SNTB2: variants seen among roughly 807,000 people sequenced by gnomAD.
The protein encoded by SNTB2 is beta-2-syntrophin.
A neutral mutation model predicts 46.2 loss-of-function variants in SNTB2; 34 were observed. The observed-to-expected ratio is 0.74, with a 90% CI of 0.56 to 0.98. SNTB2 has a LOEUF of 0.98. Ranked by LOEUF, SNTB2 falls within the 50% of genes least tolerant of loss-of-function variation. The pLI, the probability that SNTB2 is intolerant of heterozygous loss-of-function variation, is 0.00. For synonymous variants in SNTB2, 290 were observed against 312.6 expected (o/e 0.93, Z 0.76); for missense variants, 603 against 731.4 (o/e 0.82, Z 2.02).
chr16:69,200,424 C>CG (rs1171069869), intron 1 of SNTB2, among the ~76,000 whole-genome samples: 3 of 152,176 alleles, frequency 2.0e-5, no homozygotes, highest in Admixed American at 6.6e-5. Flanking sequence ...GAATACACAT[C>CG]AGATTACAGG....
chr16:69,207,335 C>T (rs1037202807), intron 1 of SNTB2, among the ~76,000 whole-genome samples: 17 of 149,800 alleles, frequency 1.1e-4, no homozygotes, highest in Non-Finnish European at 1.8e-4. Context: ...TGTATTTTTT[C>T]GGTAGAGATG....
rs140904326 is a variant in SNTB2 at position 69,269,750 on chromosome 16, C to A, written c.1006-393C>A. On this transcript the variant is annotated intron_variant, in intron 3 of 6. Coordinates refer to ENST00000336278, the MANE Select transcript of SNTB2 (RefSeq NM_006750.4). ...TACACATCAGACATTCTGAAACTTA[C>A]AATTTTGAACATATTACTATATATT... 1.1e-3 allele frequency among the ~76,000 whole-genome samples: 168 copies of A among 152,158 alleles called. 2 individuals are homozygous for A. Among genetic ancestry groups the A allele is most frequent in the African/African-American group, 3.6e-3 (151 of 41,500 alleles).
At chr16:69,271,332 G>A (rs1964935330) in intron 4 of SNTB2, among the ~76,000 whole-genome samples, 1 of 152,088 alleles carries the variant, frequency 6.6e-6, no homozygotes, top group Admixed American at 6.6e-5. Flanking sequence ...GAATAGTCCT[G>A]CAGAAAGACT....
intron 1 of SNTB2, among the ~76,000 whole-genome samples, chr16:69,206,551 C>A (rs1476661839): frequency 6.6e-6 from 1 of 151,424 alleles, no homozygotes; most frequent in African/African-American, 2.4e-5. Flanking sequence ...ATTAGCCGGG[C>A]GTGGTGGTGC....
chr16:69,289,460 G>A (rs1479301516), intron 5 of SNTB2, among the ~76,000 whole-genome samples: 1 of 151,986 alleles, frequency 6.6e-6, no homozygotes, highest in African/African-American at 2.4e-5. Flanking sequence ...TAGCAATAAT[G>A]CATTGTATAA....
At position 69,198,874 on chromosome 16, in the gene SNTB2, CA is replaced by C. The variant is rs370895868; in HGVS notation, c.580+11129del. On this transcript the variant is annotated intron_variant, in intron 1 of 6. Coordinates refer to ENST00000336278, the MANE Select transcript of SNTB2 (RefSeq NM_006750.4). The stretch of plus-strand genomic sequence containing the variant: ...GACTGTACGCAAATGCATGGATTGT[CA>C]GAGATTTAGAATATAATAATGTTTT... 1.0e-4 allele frequency among the ~76,000 whole-genome samples: 15 copies of C among 149,984 alleles called. No individual in the cohort carries two copies. In the East Asian group the frequency reaches 2.9e-3, roughly 29 times the overall value.
chr16:69,296,693 G>T (rs1965228220), intron 5 of SNTB2, among the ~76,000 whole-genome samples: 2 of 148,484 alleles, frequency 1.3e-5, no homozygotes, highest in South Asian at 2.1e-4. Context: ...CTGCAGTGCA[G>T]CCTGGCCGAC....
intron 5 of SNTB2, among the ~76,000 whole-genome samples, chr16:69,297,696 G>A (rs1298970947): frequency 2.0e-5 from 3 of 151,578 alleles, no homozygotes; most frequent in African/African-American, 7.3e-5. Flanking sequence ...TGGATCCCTT[G>A]CAGTCAGGAG....
At chr16:69,261,247 A>AT (rs552052767) in intron 3 of SNTB2, among the ~76,000 whole-genome samples, 36 of 145,688 alleles carry the variant, frequency 2.5e-4, no homozygotes, top group African/African-American at 5.5e-4. Context: ...TTCATTTTTG[A>AT]TTTTTTTTTT....
At chr16:69,264,711 A>G (rs1267658169) in intron 3 of SNTB2, among the ~76,000 whole-genome samples, 2 of 152,216 alleles carry the variant, frequency 1.3e-5, no homozygotes, top group African/African-American at 4.8e-5. Context: ...GAAAAAAAAG[A>G]AAGTTCCTGA....
chr16:69,281,091 G>A (rs1193498349), intron 4 of SNTB2, among the ~76,000 whole-genome samples: 1 of 152,066 alleles, frequency 6.6e-6, no homozygotes, highest in Non-Finnish European at 1.5e-5. Context: ...CACCGCGCCC[G>A]GCCTCATTCT....
At chr16:69,212,480 C>T (rs904025383) in intron 1 of SNTB2, among the ~76,000 whole-genome samples, 7 of 149,140 alleles carry the variant, frequency 4.7e-5, no homozygotes, top group African/African-American at 9.9e-5. Context: ...CTGGGACTAC[C>T]GGCGTGTACC....
Position 69,301,512 on chromosome 16 carries a change from G to C in SNTB2, c.*588G>C, listed in dbSNP as rs1437419137. On this transcript the variant is annotated 3_prime_UTR_variant, in exon 7 of 7. Transcript: ENST00000336278. ...TTGCCCTGGATCTCCCTCTATCTCAGCCTGGCCATCACTTCCCACCTTATC... is the reference window on the plus strand; with the variant it reads ...TTGCCCTGGATCTCCCTCTATCTCACCCTGGCCATCACTTCCCACCTTATC... 2 of 152,996 alleles carry C rather than the reference G, an allele frequency of 1.3e-5. No homozygotes were observed. The highest frequency in any genetic ancestry group is 3.8e-4 in the East Asian group (2 of 5,214). The allele number at this position is 152,996 out of a possible 1,614,324, so 9.5% of individuals were successfully genotyped here. A position where few individuals can be genotyped will look rare whatever the true frequency, so the allele number is the denominator to read the frequency against.
chr16:69,284,691 T>C (rs927221434), intron 5 of SNTB2, among the ~76,000 whole-genome samples: 2 of 152,054 alleles, frequency 1.3e-5, no homozygotes, highest in Non-Finnish European at 2.9e-5. Context: ...GGAGAATTGC[T>C]TGAACTCGGG....
intron 1 of SNTB2, among the ~76,000 whole-genome samples, chr16:69,202,146 C>T (rs1365702828): frequency 6.6e-6 from 1 of 152,174 alleles, no homozygotes; most frequent in African/African-American, 2.4e-5. Context: ...TCTTTGCAGT[C>T]ACTTACTGTT....
intron 1 of SNTB2, among the ~76,000 whole-genome samples, chr16:69,204,105 C>G (rs1964191853): frequency 6.6e-6 from 1 of 152,024 alleles, no homozygotes. Flanking sequence ...GTTGGCCAGG[C>G]TGGTCTCGAA....
intron 4 of SNTB2, among the ~76,000 whole-genome samples, chr16:69,278,388 TTCA>T (rs1965001796): frequency 6.6e-6 from 1 of 151,972 alleles, no homozygotes. Flanking sequence ...ACTGAATAGT[TTCA>T]TGACCTTAAG....
At chr16:69,244,395 T>C (rs1964649281) in intron 1 of SNTB2, among the ~76,000 whole-genome samples, 1 of 152,248 alleles carries the variant, frequency 6.6e-6, no homozygotes, top group Non-Finnish European at 1.5e-5. Context: ...TGGTTGCCTC[T>C]AGGAATGGAG....
Position 69,270,180 on chromosome 16 carries a change from T to G in SNTB2, c.1043T>G (p.Val348Gly). ...GGTGGAAGACAGCAATGGAGACCTG[T>G]CCTCATGGCTGTGACTGAGAAGGAT... ...LDGGRQQWRP[V>G]LMAVTEKDLL... The change falls in exon 4 of 7, where the codon GTC becomes GGC. Residue 348 changes from valine (V) to glycine (G), a missense_variant. Coordinates refer to ENST00000336278, the MANE Select transcript of SNTB2 (RefSeq NM_006750.4). 1 of 1,614,098 alleles carries G rather than the reference T, an allele frequency of 6.2e-7. No homozygotes were observed. The highest frequency in any genetic ancestry group is 8.5e-7 in the Non-Finnish European group (1 of 1,180,020).
Sources: allele counts gnomAD v4.1 joint callset (sites outside exome capture counted in the v4.1 genomes callset), GRCh38; gene constraint gnomAD v4.1.1; transcripts MANE v1.5; gene names NCBI Gene and HGNC (gene_info 2026-07-23, HGNC 2026-07-21).